The following RASGRF2 variants were observed in gnomAD, a reference collection of about 807,000 sequenced individuals.
RASGRF2 encodes the protein Ras protein specific guanine nucleotide releasing factor 2.
RASGRF2 carries 76 observed loss-of-function variants against 151.0 expected under a neutral mutation model. The observed-to-expected ratio is 0.50, with a 90% CI of 0.42 to 0.61. The LOEUF is 0.61. RASGRF2 is among the 20% of genes least tolerant of loss of function. RASGRF2 has a pLI of 0.00. For synonymous variants in RASGRF2, 504 were observed against 566.5 expected (o/e 0.89, Z 1.57); for missense variants, 1,148 against 1,564.6 (o/e 0.73, Z 4.49).
chr5:80,971,281 A>G (rs1747923249), intron 1 of RASGRF2, among the ~76,000 whole-genome samples: 1 of 152,230 alleles, frequency 6.6e-6, no homozygotes, highest in Non-Finnish European at 1.5e-5. Flanking sequence ...GTGACACCAT[A>G]GAATGCTTTT....
intron 1 of RASGRF2, among the ~76,000 whole-genome samples, chr5:81,028,996 A>T (rs968648366): frequency 6.6e-6 from 1 of 152,176 alleles, no homozygotes; most frequent in Admixed American, 6.5e-5. Flanking sequence ...ACACCAGGAG[A>T]TTATATCCCA....
At chr5:81,121,839 C>A (rs948152753) in intron 15 of RASGRF2, among the ~76,000 whole-genome samples, 1 of 152,148 alleles carries the variant, frequency 6.6e-6, no homozygotes, top group Non-Finnish European at 1.5e-5. Context: ...TGTATTCAGA[C>A]CCCATTACTC....
intron 1 of RASGRF2, among the ~76,000 whole-genome samples, chr5:81,022,613 G>A (rs1202906869): frequency 3.3e-5 from 5 of 152,124 alleles, no homozygotes; most frequent in Admixed American, 1.3e-4. Context: ...GCTGTACCAC[G>A]TGTGTCCCTG....
chr5:81,101,387 G>T (rs1752693511), intron 12 of RASGRF2, among the ~76,000 whole-genome samples: 1 of 151,226 alleles, frequency 6.6e-6, no homozygotes, highest in Non-Finnish European at 1.5e-5. Flanking sequence ...TTTCTTCATT[G>T]CAGCATTACT....
chr5:81,109,105 A>G, intron 13 of RASGRF2, 27 bp downstream of exon 13: 2 of 1,591,054 alleles, frequency 1.3e-6, no homozygotes, highest in East Asian at 4.5e-5. Flanking sequence ...TTTCCTTTAC[A>G]TTTTAATCAA....
intron 18 of RASGRF2, among the ~76,000 whole-genome samples, chr5:81,188,131 G>T (rs1755072420): frequency 6.6e-6 from 1 of 152,122 alleles, no homozygotes; most frequent in African/African-American, 2.4e-5. Flanking sequence ...TTCCAGCCCT[G>T]CCCTCCTCAT....
At chr5:81,013,794 T>C (rs937466589) in intron 1 of RASGRF2, among the ~76,000 whole-genome samples, 25 of 152,146 alleles carry the variant, frequency 1.6e-4, no homozygotes, top group African/African-American at 5.8e-4. Context: ...CTCTCTGCAG[T>C]TGGTGTTATC....
At chr5:81,049,347 T>C (rs1750936406) in intron 2 of RASGRF2, among the ~76,000 whole-genome samples, 1 of 152,182 alleles carries the variant, frequency 6.6e-6, no homozygotes, top group Admixed American at 6.5e-5. Context: ...ATGATATAAT[T>C]ACAGACTTTT....
intron 17 of RASGRF2, among the ~76,000 whole-genome samples, chr5:81,166,934 G>T (rs1754525618): frequency 6.6e-6 from 1 of 152,200 alleles, no homozygotes; most frequent in Non-Finnish European, 1.5e-5. Context: ...TAAAGGAAAA[G>T]AATGAGGACG....
intron 18 of RASGRF2, among the ~76,000 whole-genome samples, chr5:81,196,258 A>T (rs1213799377): frequency 6.6e-6 from 1 of 152,246 alleles, no homozygotes; most frequent in Non-Finnish European, 1.5e-5. Flanking sequence ...TCTGTCTCAA[A>T]AACAAACAAA....
At chr5:80,975,336 T>C (rs1473944685) in intron 1 of RASGRF2, among the ~76,000 whole-genome samples, 1 of 151,990 alleles carries the variant, frequency 6.6e-6, no homozygotes, top group Non-Finnish European at 1.5e-5. Flanking sequence ...TTTTTGGCAT[T>C]GTGTCCAGCT....
intron 17 of RASGRF2, among the ~76,000 whole-genome samples, chr5:81,147,271 A>G (rs1216990686): frequency 1.3e-5 from 2 of 152,150 alleles, no homozygotes; most frequent in African/African-American, 4.8e-5. Flanking sequence ...CTCTGGCAGC[A>G]GATTTTTTTT....
At chr5:80,987,878 G>A (rs1203184340) in intron 1 of RASGRF2, among the ~76,000 whole-genome samples, 1 of 151,818 alleles carries the variant, frequency 6.6e-6, no homozygotes, top group Non-Finnish European at 1.5e-5. Flanking sequence ...TCTAATCCAA[G>A]CATTATTTTC....
intron 13 of RASGRF2, among the ~76,000 whole-genome samples, chr5:81,109,971 ATAC>A (rs1364711117): frequency 2.0e-5 from 3 of 152,174 alleles, no homozygotes; most frequent in South Asian, 4.1e-4. Flanking sequence ...TTTTATGTAT[ATAC>A]TACTATTTTT....
chr5:81,148,715 C>T (rs1754061715), intron 17 of RASGRF2, among the ~76,000 whole-genome samples: 1 of 151,432 alleles, frequency 6.6e-6, no homozygotes, highest in African/African-American at 2.4e-5. Context: ...GGAGATATAC[C>T]TAATGCGAAA....
chr5:81,163,016 TC>T (rs1206765372), intron 17 of RASGRF2, among the ~76,000 whole-genome samples: 4 of 152,022 alleles, frequency 2.6e-5, no homozygotes, highest in Non-Finnish European at 5.9e-5. Context: ...AAGCAGGACA[TC>T]TCTGCTAGAA....
chr5:81,183,092 T>A (rs1754953870), intron 18 of RASGRF2: 1 of 821,996 alleles, frequency 1.2e-6, no homozygotes, highest in Non-Finnish European at 1.5e-6. Context: ...CAGTAGCTTT[T>A]AAAAAATGAG....
rs1015093116 is a variant in RASGRF2 at position 81,080,130 on chromosome 5, C to T, written c.897C>T (p.Ile299=). ...VSSIFLNSET[I]MFLHEIFHQG... is the part of the protein sequence containing the mutation. ...TTTCCTTTTTTTATAGTGAAACAAT[C>T]ATGTTTCTTCATGAAATATTTCATC... The change falls in exon 6 of 27, where the codon ATC becomes ATT. Residue 299 remains isoleucine, a synonymous_variant. Coordinates refer to ENST00000265080, the MANE Select transcript of RASGRF2 (RefSeq NM_006909.3). 1 of 1,594,170 alleles carries T rather than the reference C, an allele frequency of 6.3e-7. No individual in the cohort carries two copies. The highest frequency in any genetic ancestry group is 8.5e-7 in the Non-Finnish European group (1 of 1,175,702).
At chr5:81,103,225 T>A (rs541469347) in intron 12 of RASGRF2, among the ~76,000 whole-genome samples, 31 of 151,984 alleles carry the variant, frequency 2.0e-4, no homozygotes, top group Middle Eastern at 3.4e-3. Flanking sequence ...CAACCATAGC[T>A]AGTGAGATGA....
Sources: gnomAD v4.1 joint callset for allele counts (sites outside exome capture counted in the v4.1 genomes callset) on GRCh38, gnomAD v4.1.1 for gene constraint, MANE v1.5 for transcripts, NCBI Gene and HGNC (gene_info 2026-07-23, HGNC 2026-07-21) for gene names.